The following MDGA2 variants were observed in gnomAD, a reference collection of about 807,000 sequenced individuals.
MDGA2 encodes MAM domain-containing glycosylphosphatidylinositol anchor protein 2.
A neutral mutation model predicts 117.8 loss-of-function variants in MDGA2; 40 were observed. That is an observed-to-expected ratio of 0.34 (90% CI 0.26 to 0.44). MDGA2 has a LOEUF of 0.44. Ranked by LOEUF, MDGA2 falls within the 20% of genes least tolerant of loss-of-function variation. MDGA2 has a pLI of 1.00. For synonymous variants in MDGA2, 452 were observed against 439.0 expected (o/e 1.03, Z -0.37); for missense variants, 1,123 against 1,250.6 (o/e 0.90, Z 1.54).
chr14:47,125,396 T>C (rs118110668), intron 5 of MDGA2, among the ~76,000 whole-genome samples: 3,897 of 152,250 alleles, frequency 0.026, 70 homozygotes, highest in Middle Eastern at 0.051. Flanking sequence ...CATGAATAGA[T>C]AACAGTATAC....
At chr14:47,265,329 G>T (rs955188031) in intron 2 of MDGA2, among the ~76,000 whole-genome samples, 4 of 152,000 alleles carry the variant, frequency 2.6e-5, no homozygotes, top group African/African-American at 9.7e-5. Flanking sequence ...AATTTGTAAT[G>T]GTCATTGTGT....
chr14:47,511,703 A>G (rs945664497), intron 1 of MDGA2, among the ~76,000 whole-genome samples: 6 of 152,298 alleles, frequency 3.9e-5, no homozygotes, highest in African/African-American at 1.2e-4. Context: ...TGTATATTGC[A>G]CACACCTAAG....
At chr14:46,858,198 T>C (rs959400734) in intron 14 of MDGA2, among the ~76,000 whole-genome samples, 1 of 151,288 alleles carries the variant, frequency 6.6e-6, no homozygotes, top group Non-Finnish European at 1.5e-5. Context: ...CTTTTTTTTT[T>C]CTGTCATCTC....
At chr14:47,157,595 ATGTG>A (rs55697311) in intron 3 of MDGA2, among the ~76,000 whole-genome samples, 5,025 of 144,462 alleles carry the variant, frequency 0.035, 103 homozygotes, top group Middle Eastern at 0.054. Context: ...ATGTACATAT[ATGTG>A]TGTGTGTGTG....
intron 1 of MDGA2, among the ~76,000 whole-genome samples, chr14:47,309,643 C>T (rs10483576): frequency 0.22 from 33,182 of 151,808 alleles, 4,479 homozygotes; most frequent in East Asian, 0.44. Context: ...CAATTATTAA[C>T]GTTTGCTAAA....
chr14:47,048,841 T>G, intron 7 of MDGA2, among the ~76,000 whole-genome samples: 1 of 152,062 alleles, frequency 6.6e-6, no homozygotes, highest in South Asian at 2.1e-4. Context: ...TAACAAATAT[T>G]CTACTGAAGC....
chr14:46,938,081 A>G (rs1018436465), intron 9 of MDGA2, among the ~76,000 whole-genome samples: 2 of 152,216 alleles, frequency 1.3e-5, no homozygotes, highest in Non-Finnish European at 2.9e-5. Context: ...AGAAAATACA[A>G]TGATCTCAAA....
chr14:47,669,973 C>T (rs542703403), intron 1 of MDGA2, among the ~76,000 whole-genome samples: 4 of 152,096 alleles, frequency 2.6e-5, no homozygotes, highest in Non-Finnish European at 5.9e-5. Flanking sequence ...CCTTCCTATC[C>T]ATCCAGATTC....
chr14:47,113,050 G>A (rs12880524), intron 5 of MDGA2, among the ~76,000 whole-genome samples: 58,677 of 151,700 alleles, frequency 0.39, 11,487 homozygotes, highest in East Asian at 0.52. Flanking sequence ...TCTTTTGAGA[G>A]GTGTCTGTTC....
chr14:47,195,017 C>T (rs954172951), intron 3 of MDGA2, among the ~76,000 whole-genome samples: 1 of 151,978 alleles, frequency 6.6e-6, no homozygotes, highest in African/African-American at 2.4e-5. Context: ...GATTTAAACA[C>T]AAGTTCTCAC....
intron 3 of MDGA2, among the ~76,000 whole-genome samples, chr14:47,166,197 G>A (rs571722120): frequency 1.4e-4 from 22 of 151,774 alleles, no homozygotes; most frequent in African/African-American, 3.6e-4. Flanking sequence ...CACCAGGCCC[G>A]GCTAATTTTT....
intron 3 of MDGA2, among the ~76,000 whole-genome samples, chr14:47,178,577 T>A (rs1001801504): frequency 6.6e-6 from 1 of 152,194 alleles, no homozygotes; most frequent in Admixed American, 6.5e-5. Flanking sequence ...TTACCATTTA[T>A]GTACCAGGCA....
chr14:47,266,281 C>G (rs1433484132), intron 2 of MDGA2, among the ~76,000 whole-genome samples: 1 of 152,158 alleles, frequency 6.6e-6, no homozygotes, highest in Non-Finnish European at 1.5e-5. Context: ...AAACTAGAAA[C>G]CCCAGACTTA....
intron 1 of MDGA2, among the ~76,000 whole-genome samples, chr14:47,465,673 A>G (rs1452854729): frequency 1.3e-5 from 2 of 152,098 alleles, no homozygotes; most frequent in Non-Finnish European, 2.9e-5. Flanking sequence ...TAAAAAGTCA[A>G]AAAATAACAG....
At chr14:47,423,674 G>T (rs1276893606) in intron 1 of MDGA2, among the ~76,000 whole-genome samples, 1 of 152,042 alleles carries the variant, frequency 6.6e-6, no homozygotes, top group Non-Finnish European at 1.5e-5. Context: ...AGCTTTTTAA[G>T]AATCATGTGA....
chr14:46,873,729 T>C, intron 13 of MDGA2, 138 bp from the exon 14 acceptor site: 1 of 738,848 alleles, frequency 1.4e-6, no homozygotes, highest in Non-Finnish European at 2.1e-6. Flanking sequence ...AAAATCTCTA[T>C]GTGTATATGT....
intron 5 of MDGA2, among the ~76,000 whole-genome samples, chr14:47,120,345 A>G (rs891430684): frequency 7.2e-5 from 11 of 152,168 alleles, no homozygotes; most frequent in Non-Finnish European, 1.2e-4. Flanking sequence ...TCAAAAACCA[A>G]TACTGCTGAC....
At chr14:47,648,009 C>T (rs1026699685) in intron 1 of MDGA2, among the ~76,000 whole-genome samples, 2 of 151,964 alleles carry the variant, frequency 1.3e-5, no homozygotes, top group Non-Finnish European at 1.5e-5. Flanking sequence ...AATAAATAAA[C>T]AAATAAATGC....
At chr14:47,383,666 G>A (rs973654456) in intron 1 of MDGA2, among the ~76,000 whole-genome samples, 8 of 152,026 alleles carry the variant, frequency 5.3e-5, no homozygotes, top group Admixed American at 4.6e-4. Context: ...AGTCTCCTGA[G>A]TATTTGAGAG....
Sources: allele counts gnomAD v4.1 joint callset (sites outside exome capture counted in the v4.1 genomes callset), GRCh38; gene constraint gnomAD v4.1.1; transcripts MANE v1.5; gene names NCBI Gene and HGNC (gene_info 2026-07-23, HGNC 2026-07-21).